Variants in CDKL5 observed in about 807,000 individuals in gnomAD.
CDKL5 encodes the protein cyclin dependent kinase like 5.
A neutral mutation model predicts 61.7 loss-of-function variants in CDKL5; 8 were observed. The observed-to-expected ratio is 0.13, with a 90% CI of 0.08 to 0.23. The LOEUF is 0.23. CDKL5 is among the 10% of genes least tolerant of loss of function. The pLI is 1.00. For missense variants in CDKL5, 440 were observed against 734.5 expected, an observed-to-expected ratio of 0.60 and a Z score of 4.63; for synonymous variants, 275 against 272.3, an observed-to-expected ratio of 1.01 and a Z score of -0.10.
intron 14 of CDKL5, among the ~76,000 whole-genome samples, chrX:18,612,760 C>A (rs1256182792): frequency 9.0e-6 from 1 of 111,022 alleles, no homozygotes; most frequent in Admixed American, 9.6e-5. Flanking sequence ...GTTAACTAAC[C>A]CTTGCAAATT....
At chrX:18,518,388 A>ATTTTTTTTTTTTTTTTTCTT (rs1923112886) in intron 3 of CDKL5, among the ~76,000 whole-genome samples, 1 of 21,161 alleles carries the variant, frequency 4.7e-5, no homozygotes, top group Non-Finnish European at 8.6e-5. Flanking sequence ...TTCTTTTCTT[A>ATTTTTTTTTTTTTTTTTCTT]TTTTTTTTTT....
At chrX:18,487,541 C>T (rs750624301) in intron 1 of CDKL5, among the ~76,000 whole-genome samples, 2 of 112,965 alleles carry the variant, frequency 1.8e-5, no homozygotes, top group Admixed American at 9.3e-5. Context: ...TTAAACAGCC[C>T]TCCTGCCATG....
Position 18,633,892 on chromosome X carries a change from A to G in CDKL5, c.*5135A>G, listed in dbSNP as rs1017874933. ...TATTTACTGTAGGCTATTAAATATGATCATGACCCGCCTTGCATTTTCATT... is the reference window on the plus strand; with the variant it reads ...TATTTACTGTAGGCTATTAAATATGGTCATGACCCGCCTTGCATTTTCATT... On this transcript the variant is annotated 3_prime_UTR_variant, in exon 18 of 18. Transcript: ENST00000623535. The G allele has an allele frequency of 1.3e-6, 1 of 751,834 alleles. No homozygotes were observed. Among genetic ancestry groups the G allele is most frequent in the African/African-American group, 2.3e-5 (1 of 43,008 alleles). 62.0% of individuals were successfully genotyped at this position (751,834 alleles called of 1,213,427 possible).
intron 3 of CDKL5, among the ~76,000 whole-genome samples, chrX:18,525,893 C>T (rs994925767): frequency 8.2e-5 from 9 of 109,868 alleles, no homozygotes; most frequent in Admixed American, 7.8e-4. Context: ...ATTGCAGGCT[C>T]CCACCACCAC....
At chrX:18,613,651 T>C (rs1386333813) in intron 15 of CDKL5, among the ~76,000 whole-genome samples, 1 of 111,622 alleles carries the variant, frequency 9.0e-6, no homozygotes, top group Non-Finnish European at 1.9e-5. Flanking sequence ...GCTTCCATGC[T>C]AGTGGCAGGG....
chrX:18,647,746 T>A, intron 20 of CDKL5: 1 of 174,929 alleles, frequency 5.7e-6, no homozygotes, highest in Non-Finnish European at 1.1e-5. Context: ...TCCTGCCTCA[T>A]GACGTCAGGT....
chrX:18,465,432 G>A (rs1228985083), intron 1 of CDKL5, among the ~76,000 whole-genome samples: 1 of 111,277 alleles, frequency 9.0e-6, no homozygotes, highest in Non-Finnish European at 1.9e-5. Flanking sequence ...TTGGGAGGCC[G>A]AGGTGGGCGG....
intron 3 of CDKL5, among the ~76,000 whole-genome samples, chrX:18,517,584 C>G (rs1462241627): frequency 2.7e-5 from 3 of 111,853 alleles, no homozygotes; most frequent in Non-Finnish European, 5.6e-5. Flanking sequence ...CTTAATGCCA[C>G]TTTTCTTCAA....
intron 1 of CDKL5, among the ~76,000 whole-genome samples, chrX:18,476,857 C>G (rs751635752): frequency 8.8e-4 from 98 of 110,922 alleles, no homozygotes; most frequent in Non-Finnish European, 1.6e-3. Context: ...ACCTCTGCCT[C>G]CCGGGTTCAA....
At chrX:18,591,421 T>G (rs2283720) in intron 9 of CDKL5, among the ~76,000 whole-genome samples, 10,409 of 110,466 alleles carry the variant, frequency 0.094, 1,038 homozygotes, top group African/African-American at 0.29. Flanking sequence ...CTGTATTTCT[T>G]TTCTCTCCAT....
chrX:18,642,028 C>T, downstream of CDKL5: 1 of 1,211,542 alleles, frequency 8.3e-7, no homozygotes. Context: ...TGACGCACTC[C>T]AGCAGCTCCA....
rs148687431 is a variant in CDKL5 at position 18,646,434 on chromosome X, C to T, written c.2797+344C>T. Among the ~76,000 whole-genome samples, 474 of 112,769 alleles carry T rather than the reference C, an allele frequency of 4.2e-3. 2 individuals are homozygous for T. The highest frequency in any genetic ancestry group is 0.014 in the African/African-American group (427 of 31,132). ...CCTCCCAAAGTGCTAGGATTACAGG[C>T]GTAAGCCACTGTGCCTGGCTGATGA... On this transcript the variant is annotated intron_variant, in intron 20 of 21. Transcript: ENST00000379989.
intron 5 of CDKL5, among the ~76,000 whole-genome samples, chrX:18,577,188 T>C (rs1486386160): frequency 8.9e-6 from 1 of 112,127 alleles, no homozygotes; most frequent in Non-Finnish European, 1.9e-5. Context: ...TTGTTCATTA[T>C]TAATAATAAT....
At chrX:18,626,785 A>G (rs1226104391) in intron 17 of CDKL5, 2 of 75,331 alleles carry the variant, frequency 2.7e-5, no homozygotes, top group East Asian at 5.0e-4. Context: ...GTCTTACTCA[A>G]TCACTCAGGC....
chrX:18,593,130 T>C (rs1925881907), intron 9 of CDKL5, among the ~76,000 whole-genome samples: 1 of 112,026 alleles, frequency 8.9e-6, no homozygotes, highest in East Asian at 2.8e-4. Context: ...ACCTCACGCA[T>C]AGTGCTCAGC....
At chrX:18,489,715 G>A in intron 1 of CDKL5, among the ~76,000 whole-genome samples, 2 of 110,575 alleles carry the variant, frequency 1.8e-5, no homozygotes, top group Non-Finnish European at 1.9e-5. Context: ...CATCTTACAT[G>A]TATTGATTGA....
At position 18,558,601 on chromosome X, in the gene CDKL5, G is replaced by T. The variant is rs183100947; in HGVS notation, c.100-5876G>T. On this transcript the variant is annotated intron_variant, in intron 3 of 17. Transcript: ENST00000623535. ...AGAATTAATTTTATTAGCAGGACTG[G>T]GTTGAAAACATAGTCTTGAACATCA... 1.2e-4 allele frequency among the ~76,000 whole-genome samples: 13 copies of T among 111,686 alleles called. No homozygotes were observed. The East Asian group carries it at 3.7e-3, about 32-fold the overall frequency.
At position 18,584,254 on chromosome X, in the gene CDKL5, A is replaced by G. The variant is rs374030184; in HGVS notation, c.464-9A>G. On this transcript the variant is annotated splice_polypyrimidine_tract_variant and intron_variant, in intron 7 of 17. Coordinates refer to ENST00000623535, the MANE Select transcript of CDKL5 (RefSeq NM_001323289.2). ...CAAAGTTACAACTTTGGACTTTGCT[A>G]TCTTTCAGGTTTTGCTCGTAATCTG... is the stretch of plus-strand genomic sequence containing the variant. The G allele has an allele frequency of 7.5e-5, 87 of 1,164,119 alleles. No homozygotes were observed. The highest frequency in any genetic ancestry group is 2.3e-4 in the Middle Eastern group (1 of 4,259).
intron 11 of CDKL5, among the ~76,000 whole-genome samples, chrX:18,602,299 T>G (rs1457988592): frequency 8.9e-6 from 1 of 112,401 alleles, no homozygotes; most frequent in Non-Finnish European, 1.9e-5. Flanking sequence ...TATCACTATT[T>G]AGGTTTGAAA....
Sources: allele counts gnomAD v4.1 joint callset (sites outside exome capture counted in the v4.1 genomes callset), GRCh38; gene constraint gnomAD v4.1.1; transcripts MANE v1.5; gene names NCBI Gene and HGNC (gene_info 2026-07-23, HGNC 2026-07-21).